Variants in WDR70 observed in about 807,000 individuals in gnomAD.
WDR70 encodes WD repeat domain 70, also known as WD repeat-containing protein 70.
A neutral mutation model predicts 88.6 loss-of-function variants in WDR70; 53 were observed. The observed-to-expected ratio is 0.60, with a 90% confidence interval of 0.48 to 0.75. The LOEUF (loss-of-function observed/expected upper bound fraction) is 0.75. Among genes scored for constraint, WDR70 ranks in the 30% least tolerant of loss-of-function variants. The pLI is 0.00. For synonymous variants in WDR70, 280 were observed against 270.0 expected (o/e 1.04, Z -0.36); for missense variants, 610 against 823.2 (o/e 0.74, Z 3.17).
intron 5 of WDR70, among the ~76,000 whole-genome samples, chr5:37,416,903 A>G (rs1434982242): frequency 6.6e-6 from 1 of 152,168 alleles, no homozygotes; most frequent in Non-Finnish European, 1.5e-5. Flanking sequence ...CTGAGAAGCT[A>G]ATACTCCACT....
chr5:37,391,395 C>T lies in WDR70; in HGVS notation c.176-605C>T, dbSNP rs80137415. ...CATCTTGTAAGACTGAAACTCTATA[C>T]ATATTAAACAATTCTTCATTTCCCC... On this transcript the variant is annotated intron_variant, in intron 3 of 17. Coordinates refer to ENST00000265107, the MANE Select transcript of WDR70 (RefSeq NM_018034.4). 3.4e-3 allele frequency among the ~76,000 whole-genome samples: 512 copies of T among 152,326 alleles called. 3 individuals are homozygous for T. The highest frequency in any genetic ancestry group is 6.8e-3 in the Middle Eastern group (2 of 294).
chr5:37,566,051 A>C (rs1742732738), intron 9 of WDR70, among the ~76,000 whole-genome samples: 1 of 152,084 alleles, frequency 6.6e-6, no homozygotes, highest in African/African-American at 2.4e-5. Context: ...TGCAACCATC[A>C]TCTAGTTTTT....
At position 37,454,142 on chromosome 5, in the gene WDR70, G is replaced by A. The variant is rs112283162; in HGVS notation, c.686+10770G>A. Among the ~76,000 whole-genome samples the A allele has an allele frequency of 8.8e-3, 1,338 of 152,198 alleles. 24 individuals are homozygous for A. Among genetic ancestry groups the A allele is most frequent in the African/African-American group, 0.03 (1,266 of 41,522 alleles). On this transcript the variant is annotated intron_variant, in intron 7 of 17. Transcript: ENST00000265107. Reference sequence around the variant, plus strand: ...AGCAGAAGACTGTTTTCAGCAAGGTGTACCCACCTTTTGGAAAAGAAAGGA... The same window carrying A: ...AGCAGAAGACTGTTTTCAGCAAGGTATACCCACCTTTTGGAAAAGAAAGGA...
At chr5:37,661,899 TG>T (rs1168215628) in intron 10 of WDR70, among the ~76,000 whole-genome samples, 1 of 152,218 alleles carries the variant, frequency 6.6e-6, no homozygotes, top group East Asian at 1.9e-4. Flanking sequence ...AGAGGTTGCA[TG>T]ACCCTTAAAC....
At chr5:37,509,813 G>T (rs1407562728) in intron 8 of WDR70, among the ~76,000 whole-genome samples, 10 of 135,506 alleles carry the variant, frequency 7.4e-5, no homozygotes, top group Non-Finnish European at 1.2e-4. Flanking sequence ...TTTTTTAACA[G>T]ACTTTCCTTC....
chr5:37,578,434 G>A (rs866425902), intron 9 of WDR70, among the ~76,000 whole-genome samples: 1 of 152,184 alleles, frequency 6.6e-6, no homozygotes, highest in Non-Finnish European at 1.5e-5. Context: ...GAGTAGCAGT[G>A]TAATCAACAT....
chr5:37,746,032 G>T (rs1323812284), intron 17 of WDR70, among the ~76,000 whole-genome samples: 1 of 152,100 alleles, frequency 6.6e-6, no homozygotes, highest in Non-Finnish European at 1.5e-5. Flanking sequence ...GAAGTAAAAC[G>T]CTCCTCAGCA....
In WDR70 at chr5:37,415,436, C is replaced by T. The variant is rs1475488732; in HGVS notation, c.492+18866C>T. 1.3e-4 allele frequency among the ~76,000 whole-genome samples: 11 copies of T among 87,152 alleles called. 2 individuals are homozygous for T. Among genetic ancestry groups the T allele is most frequent in the South Asian group, 9.3e-4 (2 of 2,158 alleles). 57.2% of individuals were successfully genotyped at this position (87,152 alleles called of 152,430 possible). On this transcript the variant is annotated intron_variant, in intron 5 of 17. Transcript: ENST00000265107. Reference sequence around the variant, plus strand: ...CTGACCCCCCCACCTCCCTCCCGGACGGGGCGGCTGGCCGGGCCGGGGGCT... The same window carrying T: ...CTGACCCCCCCACCTCCCTCCCGGATGGGGCGGCTGGCCGGGCCGGGGGCT...
chr5:37,685,678 C>A lies in WDR70; in HGVS notation c.1093-11977C>A, dbSNP rs148472186. On this transcript the variant is annotated intron_variant, in intron 10 of 17. Transcript: ENST00000265107. Reference sequence around the variant, plus strand: ...GCTGGTGCTCTACCACAGATGCTCCCACACCAAACTCTATTGGCTGGCACG... The same window carrying A: ...GCTGGTGCTCTACCACAGATGCTCCAACACCAAACTCTATTGGCTGGCACG... Among the ~76,000 whole-genome samples, 230 of 152,282 alleles carry A rather than the reference C, an allele frequency of 1.5e-3. 1 individual carries two copies. The highest frequency in any genetic ancestry group is 5.2e-3 in the African/African-American group (217 of 41,556).
At chr5:37,503,739 G>A (rs1447929180) in intron 8 of WDR70, among the ~76,000 whole-genome samples, 1 of 127,406 alleles carries the variant, frequency 7.8e-6, no homozygotes, top group African/African-American at 2.6e-5. Flanking sequence ...AATCCACCTG[G>A]TCCTGAGTTT....
At chr5:37,506,195 C>G (rs1422680870) in intron 8 of WDR70, 1 of 999,502 alleles carries the variant, frequency 1.0e-6, no homozygotes, top group Non-Finnish European at 1.6e-6. Flanking sequence ...AGTTCAAACT[C>G]TGGTATCACA....
At chr5:37,392,221 T>A in intron 4 of WDR70, 101 bp downstream of exon 4, 2 of 1,342,866 alleles carry the variant, frequency 1.5e-6, no homozygotes, top group Non-Finnish European at 2.0e-6. Flanking sequence ...AGTCTTGCTC[T>A]ATCGCCCTCT....
At chr5:37,408,993 C>T (rs1343591812) in intron 5 of WDR70, among the ~76,000 whole-genome samples, 2 of 152,084 alleles carry the variant, frequency 1.3e-5, no homozygotes, top group Non-Finnish European at 2.9e-5. Context: ...GGCTGGAGTG[C>T]AATGGTGTGA....
chr5:37,588,252 A>G (rs1171267583), intron 9 of WDR70, among the ~76,000 whole-genome samples: 1 of 152,162 alleles, frequency 6.6e-6, no homozygotes, highest in East Asian at 1.9e-4. Context: ...GAAGATGTTA[A>G]TTTGGCATTT....
intron 9 of WDR70, among the ~76,000 whole-genome samples, chr5:37,534,972 T>A (rs532138478): frequency 6.6e-6 from 1 of 152,318 alleles, no homozygotes; most frequent in South Asian, 2.1e-4. Flanking sequence ...AGCTGTGGAA[T>A]ATCAACCCAG....
chr5:37,434,399 A>G (rs908404824), intron 5 of WDR70, among the ~76,000 whole-genome samples: 13 of 152,212 alleles, frequency 8.5e-5, no homozygotes, highest in African/African-American at 3.1e-4. Flanking sequence ...TAGTTTCACT[A>G]GAATAGACTT....
At chr5:37,557,949 A>AAAAGAGTACTCTTTTG (rs1742349193) in intron 9 of WDR70, among the ~76,000 whole-genome samples, 1 of 150,332 alleles carries the variant, frequency 6.7e-6, no homozygotes, top group Non-Finnish European at 1.5e-5. Flanking sequence ...AATACTCTTC[A>AAAAGAGTACTCTTTTG]AAAGAGTATT....
chr5:37,686,018 G>A (rs777238770), intron 10 of WDR70, among the ~76,000 whole-genome samples: 3 of 152,106 alleles, frequency 2.0e-5, no homozygotes, highest in South Asian at 2.1e-4. Context: ...TGTTCCACCC[G>A]GCTGCATGTA....
At chr5:37,709,226 C>T (rs985818250) in intron 13 of WDR70, among the ~76,000 whole-genome samples, 1 of 152,136 alleles carries the variant, frequency 6.6e-6, no homozygotes, top group Non-Finnish European at 1.5e-5. Context: ...ACCAGCTTTC[C>T]ATTATCTGAT....
Sources: gnomAD v4.1 joint callset for allele counts (sites outside exome capture counted in the v4.1 genomes callset) on GRCh38, gnomAD v4.1.1 for gene constraint, MANE v1.5 for transcripts, NCBI Gene and HGNC (gene_info 2026-07-23, HGNC 2026-07-21) for gene names.